Variants in ARID1B observed in about 807,000 individuals in gnomAD.
ARID1B encodes the protein AT-rich interactive domain-containing protein 1B.
A neutral mutation model predicts 212.3 loss-of-function variants in ARID1B; 30 were observed. The ratio of observed to expected loss-of-function variants is 0.14; its 90% CI spans 0.11 to 0.19. ARID1B has a LOEUF of 0.19. ARID1B is among the 10% of genes least tolerant of loss of function. The pLI is 1.00. For synonymous variants in ARID1B, 1,402 were observed against 1,301.7 expected, an observed-to-expected ratio of 1.08 and a Z score of -1.66; for missense variants, 2,891 against 3,204.0, an observed-to-expected ratio of 0.90 and a Z score of 2.36.
chr6:157,110,707 TC>T, intron 6 of ARID1B, 146 bp downstream of exon 6: 1 of 798,872 alleles, frequency 1.3e-6, no homozygotes, highest in Admixed American at 2.4e-5. Flanking sequence ...TAAAAGCCCT[TC>T]CAACAAATAT....
intron 4 of ARID1B, among the ~76,000 whole-genome samples, chr6:156,997,539 A>G (rs1164973257): frequency 2.0e-5 from 3 of 152,218 alleles, no homozygotes; most frequent in Non-Finnish European, 4.4e-5. Context: ...ACCAAGAGGT[A>G]AACATGGTAG....
At chr6:156,828,483 G>A (rs554723415) in intron 1 of ARID1B, among the ~76,000 whole-genome samples, 7 of 152,138 alleles carry the variant, frequency 4.6e-5, no homozygotes, top group Non-Finnish European at 1.0e-4. Flanking sequence ...TTCCTTTGAC[G>A]TCCCAGGACA....
At chr6:157,042,842 G>C (rs1486152268) in intron 4 of ARID1B, among the ~76,000 whole-genome samples, 1 of 151,946 alleles carries the variant, frequency 6.6e-6, no homozygotes, top group African/African-American at 2.4e-5. Context: ...TGTATTTTTA[G>C]TAGAGATGGG....
chr6:157,038,991 C>T (rs551770279), intron 4 of ARID1B, among the ~76,000 whole-genome samples: 8 of 151,912 alleles, frequency 5.3e-5, no homozygotes, highest in Non-Finnish European at 1.0e-4. Flanking sequence ...GCAGCCTCAA[C>T]GTCCCAGGCT....
chr6:156,903,947 T>C (rs1789153422), intron 3 of ARID1B, among the ~76,000 whole-genome samples: 1 of 152,220 alleles, frequency 6.6e-6, no homozygotes, highest in African/African-American at 2.4e-5. Context: ...TCCATCAAGA[T>C]ACCTGACTTT....
rs1187066399 is a variant in ARID1B at position 156,778,274 on chromosome 6, G to C, written c.594G>C (p.Gln198His). Residue 198 changes from glutamine (Q) to histidine (H), a missense_variant, in exon 1 of 20, where the codon CAG (glutamine) becomes CAC (histidine). This residue lies in a region of ARID1B where 1,643 missense variants were observed against 1,544.0 expected (regional missense o/e 1.06). Coordinates refer to ENST00000636930, the MANE Select transcript of ARID1B (RefSeq NM_001374828.1). ...AGCAGCAGCTAAACCAGTTCCAGCA[G>C]CAGCAGCAGCAGCAGCAACAGCAGC... is the stretch of plus-strand genomic sequence containing the variant. Reference protein sequence around the residue: ...ALQQQLNQFQQQQQQQQQQQQ... With the variant: ...ALQQQLNQFQHQQQQQQQQQQ... The C allele has an allele frequency of 5.2e-6, 8 of 1,540,062 alleles. No individual in the cohort carries two copies. The African/African-American group carries it at 9.6e-5, about 19-fold the overall frequency.
At chr6:157,132,910 A>AATCTTG in intron 6 of ARID1B, 118 bp from the exon 7 acceptor site, 1 of 1,120,980 alleles carries the variant, frequency 8.9e-7, no homozygotes, top group Admixed American at 3.1e-5. Context: ...TTTTTAGGAG[A>AATCTTG]ATCTTATGGT....
chr6:156,866,540 C>A (rs897743596), intron 2 of ARID1B, among the ~76,000 whole-genome samples: 1 of 151,930 alleles, frequency 6.6e-6, no homozygotes, highest in East Asian at 1.9e-4. Flanking sequence ...TAAAAATAAA[C>A]AAAAAGCAGG....
chr6:156,975,158 C>T (rs1237580503), intron 4 of ARID1B, among the ~76,000 whole-genome samples: 1 of 152,194 alleles, frequency 6.6e-6, no homozygotes, highest in Non-Finnish European at 1.5e-5. Flanking sequence ...CTCTCCACAC[C>T]TCACCAGCAC....
chr6:157,011,834 T>C (rs1779629119), intron 4 of ARID1B, among the ~76,000 whole-genome samples: 1 of 152,244 alleles, frequency 6.6e-6, no homozygotes, highest in Non-Finnish European at 1.5e-5. Flanking sequence ...TCTCAGAATT[T>C]ATGATAATAA....
chr6:156,889,651 C>G (rs1210782466), intron 2 of ARID1B, among the ~76,000 whole-genome samples: 1 of 152,188 alleles, frequency 6.6e-6, no homozygotes, highest in Non-Finnish European at 1.5e-5. Context: ...AGTGATCTCA[C>G]TCTTGTGTAC....
chr6:157,174,208 T>C lies in ARID1B; in HGVS notation c.3345+91T>C, dbSNP rs1791930695. The C allele has an allele frequency of 3.1e-5, 36 of 1,150,364 alleles. 1 individual carries two copies. In the South Asian group the frequency reaches 4.1e-4, roughly 13 times the overall value. 71.3% of individuals were successfully genotyped at this position (1,150,364 alleles called of 1,614,324 possible). A position where few individuals can be genotyped will look rare whatever the true frequency, so the allele number is the denominator to read the frequency against. On this transcript the variant is annotated intron_variant, in intron 10 of 19. Transcript: ENST00000636930. ...CTTCACTGGTGTTGGCCGACACTTT[T>C]TTTTCATTTGGTCTCCTCTGCATGC...
intron 4 of ARID1B, among the ~76,000 whole-genome samples, chr6:156,971,942 G>C (rs1776960279): frequency 6.6e-6 from 1 of 152,074 alleles, no homozygotes; most frequent in Non-Finnish European, 1.5e-5. Context: ...ACATTTACGG[G>C]TCCTTCCTGC....
At chr6:156,893,582 C>T (rs1056217975) in intron 2 of ARID1B, among the ~76,000 whole-genome samples, 78 of 148,040 alleles carry the variant, frequency 5.3e-4, no homozygotes, top group Admixed American at 5.2e-3. Flanking sequence ...CTATCAACAG[C>T]AAAACAAATA....
At chr6:156,793,314 G>A (rs934514750) in intron 1 of ARID1B, among the ~76,000 whole-genome samples, 2 of 152,102 alleles carry the variant, frequency 1.3e-5, no homozygotes, top group African/African-American at 4.8e-5. Context: ...AAATGTCAGG[G>A]TGTCCGTGAG....
chr6:157,185,607 G>C (rs746797184), intron 13 of ARID1B: 24 of 152,320 alleles, frequency 1.6e-4, no homozygotes, highest in Admixed American at 3.9e-4. Flanking sequence ...CTTATCTGGG[G>C]CATCTGGTGC....
At chr6:156,959,992 G>A (rs1197769874) in intron 4 of ARID1B, among the ~76,000 whole-genome samples, 13 of 149,506 alleles carry the variant, frequency 8.7e-5, no homozygotes, top group Non-Finnish European at 1.3e-4. Context: ...GTGCAATGGC[G>A]CGATCTTGGC....
intron 10 of ARID1B, chr6:157,174,464 G>A: frequency 5.0e-6 from 1 of 200,218 alleles, no homozygotes; most frequent in South Asian, 1.5e-4. Flanking sequence ...TCCTGTTTTG[G>A]CCGCCTCAGC....
chr6:156,986,250 A>G (rs1023370720), intron 4 of ARID1B, among the ~76,000 whole-genome samples: 3 of 152,194 alleles, frequency 2.0e-5, no homozygotes, highest in Admixed American at 1.3e-4. Context: ...TGTTAAGTAG[A>G]TAACACCTGT....
Sources: allele counts gnomAD v4.1 joint callset (sites outside exome capture counted in the v4.1 genomes callset), GRCh38; gene constraint gnomAD v4.1.1; regional missense constraint gnomAD v4.1.1; transcripts MANE v1.5; gene names NCBI Gene and HGNC (gene_info 2026-07-23, HGNC 2026-07-21).